The following EEFSEC variants were observed in gnomAD, a reference collection of about 807,000 sequenced individuals.
EEFSEC encodes the protein selenocysteine-specific elongation factor.
EEFSEC carries 43 observed loss-of-function variants against 42.1 expected under a neutral mutation model. The ratio of observed to expected loss-of-function variants is 1.02; its 90% confidence interval spans 0.80 to 1.32. The LOEUF (loss-of-function observed/expected upper bound fraction) is 1.32, where lower values mean the gene tolerates loss of function less well. EEFSEC is among the 40% of genes most tolerant of loss of function. The pLI is 0.00. For synonymous variants in EEFSEC, 354 were observed against 339.1 expected, an observed-to-expected ratio of 1.04 and a Z score of -0.48; for missense variants, 745 against 803.6, an observed-to-expected ratio of 0.93 and a Z score of 0.88.
intron 1 of EEFSEC, among the ~76,000 whole-genome samples, chr3:128,160,221 C>T (rs959527498): frequency 5.9e-5 from 9 of 152,248 alleles, no homozygotes; most frequent in African/African-American, 2.2e-4. Flanking sequence ...GAAGACACTG[C>T]TGTGTACAAA....
At chr3:128,424,791 C>T in the EEFSEC span, among the ~76,000 whole-genome samples, 2 of 152,118 alleles carry the variant, frequency 1.3e-5, no homozygotes, top group South Asian at 2.1e-4. Context: ...TACTGACGCA[C>T]GCAACAAAGT....
chr3:128,231,650 G>C (rs1398719669), intron 1 of EEFSEC, among the ~76,000 whole-genome samples: 1 of 152,070 alleles, frequency 6.6e-6, no homozygotes, highest in Non-Finnish European at 1.5e-5. Flanking sequence ...TTTCCTGTGG[G>C]GCCTGATTCC....
intron 1 of EEFSEC, among the ~76,000 whole-genome samples, chr3:128,217,763 C>A (rs1308432072): frequency 6.6e-6 from 1 of 152,188 alleles, no homozygotes; most frequent in Admixed American, 6.5e-5. Context: ...TGATTATTGT[C>A]CTGGGGACAG....
intron 5 of EEFSEC, among the ~76,000 whole-genome samples, chr3:128,348,178 A>G (rs2067335086): frequency 6.6e-6 from 1 of 152,174 alleles, no homozygotes. Context: ...AAGTAAAATC[A>G]TGAACCACTA....
chr3:128,368,734 A>G (rs1032848662), intron 6 of EEFSEC, among the ~76,000 whole-genome samples: 1 of 152,188 alleles, frequency 6.6e-6, no homozygotes, highest in Non-Finnish European at 1.5e-5. Context: ...GTCTTGAAGG[A>G]CTGTGAGGAG....
At chr3:128,188,535 A>G (rs780731543) in intron 1 of EEFSEC, among the ~76,000 whole-genome samples, 1 of 152,128 alleles carries the variant, frequency 6.6e-6, no homozygotes, top group African/African-American at 2.4e-5. Flanking sequence ...GACCCTTTGT[A>G]CTAGATGGTG....
chr3:128,411,247 G>A (rs561265304), downstream of EEFSEC, among the ~76,000 whole-genome samples: 1 of 152,350 alleles, frequency 6.6e-6, no homozygotes, highest in East Asian at 1.9e-4. Flanking sequence ...GGATGCCTTG[G>A]GCAACCCCAG....
intron 5 of EEFSEC, among the ~76,000 whole-genome samples, chr3:128,354,885 G>C (rs181335752): frequency 6.6e-6 from 1 of 152,350 alleles, no homozygotes; most frequent in Non-Finnish European, 1.5e-5. Context: ...GGCCCACTGG[G>C]AGGCTGAGCG....
intron 5 of EEFSEC, among the ~76,000 whole-genome samples, chr3:128,354,292 C>T (rs2067425636): frequency 6.6e-6 from 1 of 152,188 alleles, no homozygotes; most frequent in Admixed American, 6.5e-5. Flanking sequence ...AGCCATAAAA[C>T]AAGAGAGCAG....
intron 1 of EEFSEC, among the ~76,000 whole-genome samples, chr3:128,182,945 G>A (rs1341010891): frequency 6.6e-6 from 1 of 152,068 alleles, no homozygotes; most frequent in African/African-American, 2.4e-5. Context: ...GAAGGAGCGG[G>A]AAGAGGCCTT....
At chr3:128,287,040 A>T (rs371000752) in intron 4 of EEFSEC, among the ~76,000 whole-genome samples, 1 of 152,038 alleles carries the variant, frequency 6.6e-6, no homozygotes, top group African/African-American at 2.4e-5. Flanking sequence ...CACCCTTACC[A>T]CTGACACAAG....
chr3:128,335,832 G>A (rs548341365), intron 4 of EEFSEC, among the ~76,000 whole-genome samples: 2 of 152,354 alleles, frequency 1.3e-5, no homozygotes, highest in South Asian at 2.1e-4. Context: ...TACTTGGAAG[G>A]TAGAGCCGAC....
At chr3:128,199,890 C>T (rs111677404) in intron 1 of EEFSEC, among the ~76,000 whole-genome samples, 1,761 of 151,886 alleles carry the variant, frequency 0.012, 17 homozygotes, top group Non-Finnish European at 0.016. Flanking sequence ...CACGCCACCA[C>T]GCCCTGCTAA....
At chr3:128,187,108 C>A (rs370182423) in intron 1 of EEFSEC, among the ~76,000 whole-genome samples, 1 of 152,326 alleles carries the variant, frequency 6.6e-6, no homozygotes, top group Non-Finnish European at 1.5e-5. Flanking sequence ...GAGATCCCAA[C>A]TGGGAAGGTG....
intron 1 of EEFSEC, among the ~76,000 whole-genome samples, chr3:128,159,489 T>A (rs1232160351): frequency 1.3e-5 from 2 of 152,328 alleles, no homozygotes; most frequent in East Asian, 3.9e-4. Context: ...CTTTTACAAG[T>A]GTTCATCAGA....
intron 2 of EEFSEC, among the ~76,000 whole-genome samples, chr3:128,249,858 C>T (rs1440545201): frequency 2.6e-5 from 4 of 152,118 alleles, no homozygotes; most frequent in Admixed American, 1.3e-4. Context: ...TGGGTTGCTT[C>T]CTGGCTACTG....
Position 128,327,076 on chromosome 3 carries a change from C to T in EEFSEC, c.787-14157C>T, listed in dbSNP as rs145645236. On this transcript the variant is annotated intron_variant, in intron 4 of 6. Transcript: ENST00000254730. ...CTCATCACTACACACAGAGCTACCA[C>T]ACTGCCTGCCCCCACGTGTGCTCAT... 9.2e-3 allele frequency among the ~76,000 whole-genome samples: 1,396 copies of T among 152,358 alleles called. 78 individuals are homozygous for T. Among genetic ancestry groups the T allele is most frequent in the Admixed American group, 0.077 (1,185 of 15,302 alleles).
At chr3:128,307,099 C>T (rs1203543127) in intron 4 of EEFSEC, among the ~76,000 whole-genome samples, 10 of 152,260 alleles carry the variant, frequency 6.6e-5, no homozygotes, top group Non-Finnish European at 1.5e-4. Context: ...GCCCCACCTT[C>T]CCAGAATGAG....
At chr3:128,385,520 G>A (rs1559952047) in intron 6 of EEFSEC, among the ~76,000 whole-genome samples, 2 of 152,224 alleles carry the variant, frequency 1.3e-5, no homozygotes, top group South Asian at 2.1e-4. Context: ...TTGTGAGTGC[G>A]GCTGTGGCTT....
Sources: allele counts gnomAD v4.1 joint callset (sites outside exome capture counted in the v4.1 genomes callset), GRCh38; gene constraint gnomAD v4.1.1; transcripts MANE v1.5; gene names NCBI Gene and HGNC (gene_info 2026-07-23, HGNC 2026-07-21).